Variants in TENM3 observed in about 807,000 individuals in gnomAD.
TENM3 encodes teneurin transmembrane protein 3, also known as teneurin-3.
In TENM3, 63 loss-of-function variants were observed where a neutral mutation model predicts 255.1. That is an observed-to-expected ratio of 0.25 (90% CI 0.20 to 0.30). TENM3 has a LOEUF of 0.30. Ranked by LOEUF, TENM3 falls within the 10% of genes least tolerant of loss-of-function variation. TENM3 has a pLI of 1.00. For synonymous variants in TENM3, 1,306 were observed against 1,322.3 expected, an observed-to-expected ratio of 0.99 and a Z score of 0.27; for missense variants, 2,929 against 3,461.1, an observed-to-expected ratio of 0.85 and a Z score of 3.86.
chr4:181,604,822 G>A, the TENM3 span, among the ~76,000 whole-genome samples: 1 of 152,144 alleles, frequency 6.6e-6, no homozygotes, highest in Admixed American at 6.5e-5. Context: ...GTAGCTTCTG[G>A]GTGAAAATGT....
At chr4:182,610,619 G>A (rs1467847377) in intron 4 of TENM3, among the ~76,000 whole-genome samples, 4 of 152,132 alleles carry the variant, frequency 2.6e-5, no homozygotes, top group African/African-American at 9.7e-5. Flanking sequence ...GGAGCTCCAG[G>A]CTGCAATGAG....
At chr4:182,264,663 C>T (rs931995448) in intron 1 of TENM3, among the ~76,000 whole-genome samples, 3 of 152,158 alleles carry the variant, frequency 2.0e-5, no homozygotes, top group Non-Finnish European at 4.4e-5. Context: ...ATCTGCATGA[C>T]CTTGTCTTTT....
In TENM3 at chr4:182,381,657, G is replaced by A. The variant is rs1172715268; in HGVS notation, c.511+34728G>A. ...GCTCACTGCAACATCCGCCTCCAGC[G>A]TTCAAGTGATTCTCCTGCCTCAGCC... On this transcript the variant is annotated intron_variant, in intron 3 of 27. Transcript: ENST00000511685. 1.4e-4 allele frequency among the ~76,000 whole-genome samples: 21 copies of A among 147,914 alleles called. 1 individual carries two copies. The highest frequency in any genetic ancestry group is 1.2e-4 in the Non-Finnish European group (8 of 67,488).
At chr4:181,885,210 C>T in the TENM3 span, among the ~76,000 whole-genome samples, 3 of 152,180 alleles carry the variant, frequency 2.0e-5, no homozygotes, top group Admixed American at 1.3e-4. Context: ...CTCGCTCAGT[C>T]CCACAGCCTA....
the TENM3 span, among the ~76,000 whole-genome samples, chr4:181,534,069 T>C: frequency 6.6e-6 from 1 of 152,214 alleles, no homozygotes; most frequent in African/African-American, 2.4e-5. Context: ...GAAAACAAAA[T>C]TATAGACACA....
At chr4:181,792,718 C>T in the TENM3 span, among the ~76,000 whole-genome samples, 1 of 152,132 alleles carries the variant, frequency 6.6e-6, no homozygotes, top group Non-Finnish European at 1.5e-5. Flanking sequence ...TTTTTTTCCA[C>T]AGCAGCAATG....
At chr4:181,735,149 A>G in the TENM3 span, among the ~76,000 whole-genome samples, 1 of 152,082 alleles carries the variant, frequency 6.6e-6, no homozygotes, top group Non-Finnish European at 1.5e-5. Flanking sequence ...CTGTGGCTTT[A>G]CCTCTACAGT....
intron 1 of TENM3, among the ~76,000 whole-genome samples, chr4:182,191,223 A>G (rs1579656088): frequency 6.6e-6 from 1 of 152,160 alleles, no homozygotes; most frequent in African/African-American, 2.4e-5. Context: ...ATTGAGTCCA[A>G]ATTTTTCAGG....
chr4:182,025,020 A>ATTTTTTTTTTTTT, the TENM3 span, among the ~76,000 whole-genome samples: 146 of 121,094 alleles, frequency 1.2e-3, 2 homozygotes, highest in African/African-American at 4.6e-3. Context: ...ACAGGATTTC[A>ATTTTTTTTTTTTT]TTTTTTTTTT....
the TENM3 span, among the ~76,000 whole-genome samples, chr4:182,070,279 T>A: frequency 1.1e-4 from 17 of 152,188 alleles, no homozygotes; most frequent in African/African-American, 4.1e-4. Context: ...TTCCGCAGCC[T>A]CAGCTAATGC....
chr4:181,699,938 C>T, the TENM3 span, among the ~76,000 whole-genome samples: 52 of 152,192 alleles, frequency 3.4e-4, no homozygotes, highest in African/African-American at 1.2e-3. Context: ...GACAAATGAG[C>T]GTAGCATTCC....
Position 182,157,853 on chromosome 4 carries a change from A to G in TENM3, c.-76+13099A>G, listed in dbSNP as rs1750814857. On this transcript the variant is annotated intron_variant, in intron 1 of 2. Coordinates refer to the TENM3 transcript ENST00000512480. ...CCAACTTCACGAACAGGTAACAGCA[A>G]CACCAGCAGGTAGCACAGATCAATG... is the stretch of plus-strand genomic sequence containing the variant. Among the ~76,000 whole-genome samples the G allele has an allele frequency of 2.6e-5, 4 of 152,240 alleles. No individual in the cohort carries two copies. In the South Asian group the frequency reaches 8.3e-4, roughly 31 times the overall value.
chr4:181,882,246 C>A, the TENM3 span, among the ~76,000 whole-genome samples: 4 of 152,230 alleles, frequency 2.6e-5, no homozygotes, highest in Admixed American at 1.3e-4. Context: ...GGTGCAGAAT[C>A]AAAATGAGAA....
chr4:181,659,146 AG>A, the TENM3 span, among the ~76,000 whole-genome samples: 1 of 152,260 alleles, frequency 6.6e-6, no homozygotes, highest in Admixed American at 6.5e-5. Context: ...CTTTAAAGAT[AG>A]TAATATCAAT....
chr4:182,455,803 C>T (rs1009019415), intron 3 of TENM3, among the ~76,000 whole-genome samples: 1 of 149,206 alleles, frequency 6.7e-6, no homozygotes, highest in East Asian at 1.9e-4. Context: ...CTCAGGTGAT[C>T]CACCCGCCTC....
At chr4:181,512,781 G>A in the TENM3 span, among the ~76,000 whole-genome samples, 1 of 152,152 alleles carries the variant, frequency 6.6e-6, no homozygotes, top group African/African-American at 2.4e-5. Context: ...TCCTATCATA[G>A]TATTAATTTG....
At chr4:182,380,747 G>A (rs899782903) in intron 3 of TENM3, among the ~76,000 whole-genome samples, 8 of 152,098 alleles carry the variant, frequency 5.3e-5, no homozygotes, top group South Asian at 2.1e-4. Flanking sequence ...CCAGTTTCCC[G>A]GAATTTAACG....
At chr4:182,552,335 G>A (rs1742131669) in intron 3 of TENM3, among the ~76,000 whole-genome samples, 2 of 152,134 alleles carry the variant, frequency 1.3e-5, no homozygotes, top group African/African-American at 4.8e-5. Context: ...GGTGAATTTG[G>A]AGTTCCAATG....
the TENM3 span, among the ~76,000 whole-genome samples, chr4:181,897,998 A>T: frequency 6.6e-6 from 1 of 152,140 alleles, no homozygotes; most frequent in Admixed American, 6.5e-5. Flanking sequence ...GAGCCATATG[A>T]CTCACCAACA....
Sources: allele counts gnomAD v4.1 joint callset (sites outside exome capture counted in the v4.1 genomes callset), GRCh38; gene constraint gnomAD v4.1.1; transcripts MANE v1.5; gene names NCBI Gene and HGNC (gene_info 2026-07-23, HGNC 2026-07-21).